Variants in INTS6L observed in about 807,000 individuals in gnomAD.
INTS6L encodes integrator complex subunit 6-like.
In INTS6L, 18 loss-of-function variants were observed where a neutral mutation model predicts 64.7. The ratio of observed to expected loss-of-function variants is 0.28; its 90% CI spans 0.19 to 0.41. The LOEUF is 0.41. INTS6L is among the 10% of genes least tolerant of loss of function. INTS6L has a pLI of 1.00. For missense variants in INTS6L, 533 were observed against 661.0 expected, an observed-to-expected ratio of 0.81 and a Z score of 2.12; for synonymous variants, 227 against 235.9, an observed-to-expected ratio of 0.96 and a Z score of 0.34.
At chrX:135,556,408 A>C in intron 9 of INTS6L, 108 bp downstream of exon 9, 2 of 761,129 alleles carry the variant, frequency 2.6e-6, no homozygotes, top group Non-Finnish European at 3.5e-6. Context: ...ATTGATTTGA[A>C]AGGATAGAAT....
intron 15 of INTS6L, among the ~76,000 whole-genome samples, chrX:135,578,662 C>T (rs1282781510): frequency 4.5e-5 from 5 of 110,952 alleles, no homozygotes; most frequent in African/African-American, 1.6e-4. Context: ...TCTTATTCTT[C>T]CCTCGCTTTG....
chrX:135,548,428 CTG>C (rs1432630358), intron 6 of INTS6L, among the ~76,000 whole-genome samples: 1 of 111,648 alleles, frequency 9.0e-6, no homozygotes, highest in African/African-American at 3.3e-5. Flanking sequence ...TTTAAATTAA[CTG>C]TGTAGGAAGG....
At chrX:135,532,538 T>A (rs2085937706) in intron 2 of INTS6L, among the ~76,000 whole-genome samples, 1 of 112,243 alleles carries the variant, frequency 8.9e-6, no homozygotes, top group Non-Finnish European at 1.9e-5. Context: ...TCAGTAGCTC[T>A]GTCAAAAGTG....
intron 9 of INTS6L, among the ~76,000 whole-genome samples, chrX:135,558,428 A>C (rs2148642814): frequency 8.9e-6 from 1 of 112,318 alleles, no homozygotes; most frequent in African/African-American, 3.2e-5. Context: ...AATGTGGTAG[A>C]TATACATGCA....
rs781885626 is a variant in INTS6L, at chrX:135,556,119, C to T, written c.1060-49C>T. 9 of 1,102,496 alleles carry T rather than the reference C, an allele frequency of 8.2e-6. No homozygotes were observed. The Admixed American group carries it at 2.5e-4, about 31-fold the overall frequency. 90.9% of individuals were successfully genotyped at this position (1,102,496 alleles called of 1,213,427 possible). A position where few individuals can be genotyped will look rare whatever the true frequency, so the allele number is the denominator to read the frequency against. On this transcript the variant is annotated intron_variant, in intron 8 of 17. Transcript: ENST00000639893. Reference sequence around the variant, plus strand: ...GAATGTTACAATGGGTTTGGTTTGACATAAAATCCTTATTGTCATCACTGT... The same window carrying T: ...GAATGTTACAATGGGTTTGGTTTGATATAAAATCCTTATTGTCATCACTGT...
intron 15 of INTS6L, among the ~76,000 whole-genome samples, chrX:135,578,698 T>C (rs1461657849): frequency 2.7e-5 from 3 of 111,069 alleles, no homozygotes; most frequent in Non-Finnish European, 3.8e-5. Flanking sequence ...TCAGGAAACT[T>C]GATGTTCAAC....
In INTS6L at chrX:135,546,010, G is replaced by A. The variant is rs192636878; in HGVS notation, c.340-370G>A. Among the ~76,000 whole-genome samples, 147 of 112,135 alleles carry A rather than the reference G, an allele frequency of 1.3e-3. 1 individual carries two copies. Among genetic ancestry groups the A allele is most frequent in the African/African-American group, 4.4e-3 (135 of 30,875 alleles). On this transcript the variant is annotated intron_variant, in intron 3 of 17. Coordinates refer to ENST00000639893, the MANE Select transcript of INTS6L (RefSeq NM_001351601.3). ...AGAGTCACTCTCCAGGTTGCAGCAC[G>A]CAAGTCACTAGTGTCCTATCTGTGC...
At position 135,538,515 on chromosome X, in the gene INTS6L, A is replaced by C. The variant is rs1216727564; in HGVS notation, c.190-6908A>C. ...CTTAAAGTCATCCATGAAGGTTGGA[A>C]TCACCTTCTTCCAAACTCCTGCTAA... On this transcript the variant is annotated intron_variant, in intron 2 of 17. Coordinates refer to ENST00000639893, the MANE Select transcript of INTS6L (RefSeq NM_001351601.3). 6.3e-5 allele frequency among the ~76,000 whole-genome samples: 7 copies of C among 111,410 alleles called. 1 individual carries two copies. Among genetic ancestry groups the C allele is most frequent in the African/African-American group, 2.3e-4 (7 of 30,585 alleles).
At chrX:135,568,716 TA>T (rs1556526020) in intron 9 of INTS6L, among the ~76,000 whole-genome samples, 1 of 110,151 alleles carries the variant, frequency 9.1e-6, no homozygotes, top group African/African-American at 3.3e-5. Context: ...AATTTTTGTT[TA>T]TTTTTTTTAT....
At chrX:135,562,364 C>G (rs1017353363) in intron 9 of INTS6L, among the ~76,000 whole-genome samples, 2 of 112,256 alleles carry the variant, frequency 1.8e-5, no homozygotes, top group Non-Finnish European at 3.8e-5. Flanking sequence ...TCAGAGGACA[C>G]ATCTGTATTC....
At chrX:135,547,957 T>C (rs1021058342) in intron 6 of INTS6L, among the ~76,000 whole-genome samples, 13 of 110,833 alleles carry the variant, frequency 1.2e-4, no homozygotes, top group Non-Finnish European at 2.5e-4. Context: ...ACAAGCACCA[T>C]GGCAACGCAT....
At position 135,521,014 on chromosome X, in the gene INTS6L, A is replaced by G; in HGVS notation, c.22A>G (p.Ile8Val). 3 of 1,211,365 alleles carry G rather than the reference A, an allele frequency of 2.5e-6. No homozygotes were observed. Among genetic ancestry groups the G allele is most frequent in the Non-Finnish European group, 3.4e-6 (3 of 895,353 alleles). Residue 8 changes from isoleucine (I) to valine (V), a missense_variant, in exon 1 of 18, where the codon ATA (isoleucine) becomes GTA (valine). By Grantham distance (29) the Ile-to-Val change is conservative. Transcript: ENST00000639893. The stretch of plus-strand genomic sequence containing the variant: ...GAAGATGCCCATCCTGCTGTTCCTC[A>G]TAGACACGTCCGCCTCTATGAACCA... MPILLFL[I>V]DTSASMNQRT...
chrX:135,535,314 A>C (rs1270457521), intron 2 of INTS6L, among the ~76,000 whole-genome samples: 2 of 112,455 alleles, frequency 1.8e-5, no homozygotes, highest in Admixed American at 1.9e-4. Flanking sequence ...CAACAGTTTA[A>C]GGTGATTCAG....
At chrX:135,567,032 G>A (rs2086969613) in intron 9 of INTS6L, among the ~76,000 whole-genome samples, 2 of 111,577 alleles carry the variant, frequency 1.8e-5, no homozygotes, top group South Asian at 3.7e-4. Context: ...CATTTTGTAC[G>A]GGGCTTTTAC....
rs2085512485 is a variant in INTS6L, at chrX:135,520,749, G to C, written c.-244G>C. The stretch of plus-strand genomic sequence containing the variant: ...TAGTGGTGGCAGCAGAAGAGAGGAA[G>C]GGGGAGGGCCCCGAGGGCTACACAC... On this transcript the variant is annotated 5_prime_UTR_variant, in exon 1 of 18. Coordinates refer to ENST00000639893, the MANE Select transcript of INTS6L (RefSeq NM_001351601.3). The C allele has an allele frequency of 2.7e-5, 10 of 375,352 alleles. No individual in the cohort carries two copies. The South Asian group carries it at 3.1e-4, about 12-fold the overall frequency. The allele number at this position is 375,352 out of a possible 1,213,427, so 30.9% of individuals were successfully genotyped here. A position where few individuals can be genotyped will look rare whatever the true frequency, so the allele number is the denominator to read the frequency against.
In INTS6L at chrX:135,577,357, A is replaced by C. The variant is rs1556531625; in HGVS notation, c.2049A>C (p.Gly683=). ...TPPTVTNHVG[G]KGPPSASWFP... ...CTACTGTAACTAACCATGTGGGCGG[A>C]AAGGGACCACCCTCAGCCTCGTGGT... Residue 683 remains glycine, a synonymous_variant, in exon 15 of 18, where the codon GGA becomes GGC. Transcript: ENST00000639893. 11 of 1,212,000 alleles carry C rather than the reference A, an allele frequency of 9.1e-6. No homozygotes were observed. Among genetic ancestry groups the C allele is most frequent in the Non-Finnish European group, 1.2e-5 (11 of 895,595 alleles).
At chrX:135,566,443 G>T (rs1413342032) in intron 9 of INTS6L, among the ~76,000 whole-genome samples, 1 of 111,362 alleles carries the variant, frequency 9.0e-6, no homozygotes, top group Non-Finnish European at 1.9e-5. Context: ...TTAGTAAAAG[G>T]GCAAGTTAAG....
intron 2 of INTS6L, among the ~76,000 whole-genome samples, chrX:135,532,364 C>T (rs782781921): frequency 2.2e-4 from 25 of 112,661 alleles, no homozygotes; most frequent in Non-Finnish European, 3.9e-4. Context: ...ACATTGTAAA[C>T]TCCCTTTCAT....
intron 6 of INTS6L, among the ~76,000 whole-genome samples, chrX:135,548,718 AC>A (rs1202638420): frequency 9.0e-6 from 1 of 111,364 alleles, no homozygotes; most frequent in African/African-American, 3.3e-5. Context: ...TGCACAGTGG[AC>A]CCATTAAATC....
Sources: gnomAD v4.1 joint callset for allele counts (sites outside exome capture counted in the v4.1 genomes callset) on GRCh38, gnomAD v4.1.1 for gene constraint, MANE v1.5 for transcripts, NCBI Gene and HGNC (gene_info 2026-07-23, HGNC 2026-07-21) for gene names.